MEGF6: variants seen among roughly 807,000 people sequenced by gnomAD.
MEGF6 encodes the protein multiple EGF like domains 6.
MEGF6 carries 184 observed loss-of-function variants against 207.1 expected under a neutral mutation model. The observed-to-expected ratio is 0.89, with a 90% CI of 0.79 to 1.00. The LOEUF is 1.00. MEGF6 is among the 50% of genes least tolerant of loss of function. The pLI, the probability that MEGF6 is intolerant of heterozygous loss-of-function variation, is 0.00. For missense variants in MEGF6, 2,282 were observed against 2,202.9 expected (o/e 1.04, Z -0.72); for synonymous variants, 1,038 against 910.0 (o/e 1.14, Z -2.53).
chr1:3,563,516 C>G (rs1365920521), intron 4 of MEGF6, among the ~76,000 whole-genome samples: 2 of 152,210 alleles, frequency 1.3e-5, no homozygotes, highest in Middle Eastern at 3.2e-3. Context: ...GCCTGCTCGG[C>G]CACCATGGTG....
intron 3 of MEGF6, among the ~76,000 whole-genome samples, chr1:3,591,402 ACTGT>A (rs1643975615): frequency 6.6e-6 from 1 of 152,188 alleles, no homozygotes; most frequent in Admixed American, 6.5e-5. Context: ...TGCCACTGTC[ACTGT>A]CACTGCTACT....
intron 15 of MEGF6, 35 bp from the exon 16 acceptor site, chr1:3,505,591 C>A: frequency 6.6e-7 from 1 of 1,517,974 alleles, no homozygotes; most frequent in Non-Finnish European, 8.8e-7. Context: ...GGGCTCCCGT[C>A]TGAAGCCCCA....
At chr1:3,580,987 G>C (rs562685423) in intron 3 of MEGF6, among the ~76,000 whole-genome samples, 1 of 152,260 alleles carries the variant, frequency 6.6e-6, no homozygotes, top group East Asian at 1.9e-4. Context: ...CCCAGGCACA[G>C]GTCGTGTCAG....
chr1:3,601,348 T>C (rs570855429), intron 2 of MEGF6, among the ~76,000 whole-genome samples: 1 of 152,324 alleles, frequency 6.6e-6, no homozygotes, highest in South Asian at 2.1e-4. Context: ...ACGCATGACA[T>C]CCACAGGGCA....
chr1:3,552,356 G>C lies in MEGF6; in HGVS notation c.481+27469C>G, dbSNP rs185035447. Among the ~76,000 whole-genome samples the C allele has an allele frequency of 1.6e-3, 244 of 152,386 alleles. 2 individuals are homozygous for C. The highest frequency in any genetic ancestry group is 0.011 in the South Asian group (55 of 4,832). Reference sequence around the variant, plus strand: ...TGCCTGGGGCTGCGCCTGATGCCAGGAGGGCAACAGGACTGGGGTCTAGGA... The same window carrying C: ...TGCCTGGGGCTGCGCCTGATGCCAGCAGGGCAACAGGACTGGGGTCTAGGA... On this transcript the variant is annotated intron_variant, in intron 4 of 36. Transcript: ENST00000356575.
Position 3,564,647 on chromosome 1 carries a change from G to A in MEGF6, c.481+15178C>T, listed in dbSNP as rs148143384. 1.3e-3 allele frequency among the ~76,000 whole-genome samples: 201 copies of A among 152,200 alleles called. 4 individuals carry two copies. In the East Asian group the frequency reaches 0.033, roughly 25 times the overall value. ...GGCCACACAACCTCCTCACTGGACC[G>A]CCTTCCTCGACCTCCAATGTCCAGA... On this transcript the variant is annotated intron_variant, in intron 4 of 36. Coordinates refer to ENST00000356575, the MANE Select transcript of MEGF6 (RefSeq NM_001409.4).
At chr1:3,496,914 G>A in intron 28 of MEGF6, 74 bp downstream of exon 28, 2 of 1,528,162 alleles carry the variant, frequency 1.3e-6, no homozygotes, top group Non-Finnish European at 8.8e-7. Flanking sequence ...GGCCTTCCCG[G>A]GGACCAGGGG....
intron 4 of MEGF6, among the ~76,000 whole-genome samples, chr1:3,541,223 G>A (rs1372312659): frequency 1.3e-5 from 2 of 152,228 alleles, no homozygotes; most frequent in East Asian, 3.9e-4. Flanking sequence ...TCAGCACTGA[G>A]CGTCACAGAG....
Position 3,506,176 on chromosome 1 carries a change from C to T in MEGF6, c.1850G>A (p.Gly617Asp), listed in dbSNP as rs563080603. Residue 617 changes from glycine to aspartate, a missense_variant, in exon 15 of 37, where the codon GGC (glycine) becomes GAC (aspartate). Transcript: ENST00000356575. ...CRKKCNCANR[G>D]RCHRLYGACL... Reference sequence around the variant, plus strand: ...GGCCCCGTAGAGGCGGTGGCACCGGCCCCGGTTGGCACAGTTGCATTTCTT... The same window carrying T: ...GGCCCCGTAGAGGCGGTGGCACCGGTCCCGGTTGGCACAGTTGCATTTCTT... 1 of 1,597,922 alleles carries T rather than the reference C, an allele frequency of 6.3e-7. No homozygotes were observed. Among genetic ancestry groups the T allele is most frequent in the Admixed American group, 1.7e-5 (1 of 58,474 alleles).
At position 3,508,988 on chromosome 1, in the gene MEGF6, C is replaced by A; in HGVS notation, c.1528+87G>T. On this transcript the variant is annotated intron_variant, in intron 12 of 36. Transcript: ENST00000356575. ...CAGGGGTCCTTCCTCACGTCCCCAG[C>A]CTCTGATTGGATGGCAGCCTAGCCC... 1.1e-5 allele frequency: 15 copies of A among 1,389,888 alleles called. No homozygotes were observed. The South Asian group carries it at 1.9e-4, about 18-fold the overall frequency. The allele number at this position is 1,389,888 out of a possible 1,614,324, so 86.1% of individuals were successfully genotyped here.
intron 2 of MEGF6, among the ~76,000 whole-genome samples, chr1:3,597,359 C>T (rs911926987): frequency 1.3e-5 from 2 of 152,156 alleles, no homozygotes; most frequent in Admixed American, 6.5e-5. Context: ...ACTGCCCAAA[C>T]AGCCTCCACC....
At chr1:3,499,477 G>A in intron 23 of MEGF6, 111 bp downstream of exon 23, 3 of 1,479,632 alleles carry the variant, frequency 2.0e-6, no homozygotes, top group Non-Finnish European at 2.7e-6. Flanking sequence ...ACTCTCAGGG[G>A]GGTTGCCTGG....
intron 29 of MEGF6, 52 bp from the exon 30 acceptor site, chr1:3,496,070 G>C (rs767287184): frequency 2.7e-6 from 4 of 1,464,582 alleles, no homozygotes; most frequent in Non-Finnish European, 3.6e-6. Context: ...CTCCCTGCCC[G>C]GTCAACCCCG....
chr1:3,616,612 T>C, the MEGF6 span, among the ~76,000 whole-genome samples: 1 of 152,128 alleles, frequency 6.6e-6, no homozygotes, highest in African/African-American at 2.4e-5. Context: ...TCTCTCCAGA[T>C]AGCAAAGGAT....
rs1356633475 is a variant in MEGF6 at position 3,493,836 on chromosome 1, G to C, written c.4322C>G (p.Pro1441Arg). 19 of 1,606,576 alleles carry C rather than the reference G, an allele frequency of 1.2e-5. No homozygotes were observed. The Admixed American group carries it at 3.2e-4, about 27-fold the overall frequency. Residue 1441 changes from proline to arginine, a missense_variant, in exon 34 of 37, where the codon CCC (proline) becomes CGC (arginine). Transcript: ENST00000356575. ...HQRCDCDGGA[P>R]CDPVTGLCLC... ...GCAGAGACCGGTGACAGGGTCACAG[G>C]GTGCCCCCCCGTCACAGTCACAGCG...
chr1:3,601,090 T>C (rs1305645477), intron 2 of MEGF6, among the ~76,000 whole-genome samples: 1 of 152,168 alleles, frequency 6.6e-6, no homozygotes, highest in Non-Finnish European at 1.5e-5. Flanking sequence ...GCCAGGAGGC[T>C]GAGGACCCCG....
Position 3,565,096 on chromosome 1 carries a change from G to A in MEGF6, c.481+14729C>T, listed in dbSNP as rs1643308642. Reference sequence around the variant, plus strand: ...CTGGCTGGTGGGTTCCAAGCACAGGGCCTGGCACGCAGTGGGGTCCGGCGA... The same window carrying A: ...CTGGCTGGTGGGTTCCAAGCACAGGACCTGGCACGCAGTGGGGTCCGGCGA... On this transcript the variant is annotated intron_variant, in intron 4 of 36. Coordinates refer to ENST00000356575, the MANE Select transcript of MEGF6 (RefSeq NM_001409.4). The surrounding 1 kb of genome is among the most constrained non-coding windows in gnomAD (Gnocchi z 4.8). Among the ~76,000 whole-genome samples, 1 of 152,078 alleles carries A rather than the reference G, an allele frequency of 6.6e-6. No individual in the cohort carries two copies. The highest frequency in any genetic ancestry group is 1.5e-5 in the Non-Finnish European group (1 of 68,004).
At position 3,573,530 on chromosome 1, in the gene MEGF6, TG is replaced by T. The variant is rs1294747007; in HGVS notation, c.481+6294del. On this transcript the variant is annotated intron_variant, in intron 4 of 36. Transcript: ENST00000356575. This position sits in a 1 kb window ranked among gnomAD's most constrained non-coding sequence, Gnocchi z 5.1. ...TGCCTCCCCAGGAATCAGCCCAGGC[TG>T]GGGCTGCTGCAGGCTGCAGGCCTCT... Among the ~76,000 whole-genome samples, 1 of 152,220 alleles carries T rather than the reference TG, an allele frequency of 6.6e-6. No homozygotes were observed. The highest frequency in any genetic ancestry group is 1.5e-5 in the Non-Finnish European group (1 of 68,024).
At chr1:3,536,853 A>C (rs1642343931) in intron 4 of MEGF6, among the ~76,000 whole-genome samples, 1 of 152,166 alleles carries the variant, frequency 6.6e-6, no homozygotes, top group African/African-American at 2.4e-5. Context: ...CTTCAGGCAA[A>C]ACCAGAGCCT....
Sources: gnomAD v4.1 joint callset for allele counts (sites outside exome capture counted in the v4.1 genomes callset) on GRCh38, gnomAD v4.1.1 for gene constraint, Gnocchi (gnomAD v3.1) non-coding constraint, MANE v1.5 for transcripts, NCBI Gene and HGNC (gene_info 2026-07-23, HGNC 2026-07-21) for gene names.